NHS: variants seen among roughly 807,000 people sequenced by gnomAD.
The protein encoded by NHS is NHS actin remodeling regulator.
A neutral mutation model predicts 72.5 loss-of-function variants in NHS; 5 were observed. The observed-to-expected ratio is 0.07, with a 90% confidence interval of 0.04 to 0.14. The LOEUF (loss-of-function observed/expected upper bound fraction) is 0.14, where lower values mean the gene tolerates loss of function less well. Among genes scored for constraint, NHS ranks in the 10% least tolerant of loss-of-function variants. The probability of loss-of-function intolerance (pLI) is 1.00; values close to 1 mark genes in which losing one functional copy is unlikely to be tolerated. For synonymous variants in NHS, 464 were observed against 547.7 expected, an observed-to-expected ratio of 0.85 and a Z score of 2.13; for missense variants, 1,072 against 1,355.7, an observed-to-expected ratio of 0.79 and a Z score of 3.29.
Position 17,732,687 on chromosome X carries a change from CT to C in NHS, c.*226del. The C allele has an allele frequency of 2.2e-6, 1 of 456,583 alleles. No individual in the cohort carries two copies. Among genetic ancestry groups the C allele is most frequent in the Non-Finnish European group, 3.7e-6 (1 of 272,041 alleles). 37.6% of individuals were successfully genotyped at this position (456,583 alleles called of 1,213,427 possible). Reference sequence around the variant, plus strand: ...AGTAGCTGCAGTCTTTCATGTTTTTCTTTAGCATAGTTTGATTTACGCAATC... The same window carrying C: ...AGTAGCTGCAGTCTTTCATGTTTTTCTTAGCATAGTTTGATTTACGCAATC... On this transcript the variant is annotated 3_prime_UTR_variant, in exon 9 of 9. Transcript: ENST00000676302.
intron 1 of NHS, among the ~76,000 whole-genome samples, chrX:17,384,296 T>G (rs187192457): frequency 9.8e-5 from 11 of 112,468 alleles, no homozygotes; most frequent in Admixed American, 8.5e-4. Context: ...TCAGTGAGCT[T>G]CTGTGAGGCA....
chrX:17,546,606 G>A (rs1420758086), intron 1 of NHS, among the ~76,000 whole-genome samples: 1 of 111,811 alleles, frequency 8.9e-6, no homozygotes, highest in Non-Finnish European at 1.9e-5. Flanking sequence ...TGGAGATAGA[G>A]CTATAAATAA....
At chrX:17,449,068 G>A (rs1159270499) in intron 1 of NHS, among the ~76,000 whole-genome samples, 1 of 112,849 alleles carries the variant, frequency 8.9e-6, no homozygotes, top group Non-Finnish European at 1.9e-5. Context: ...AGGTCACACA[G>A]CTAGAAAATG....
intron 5 of NHS, 83 bp from the exon 6 acceptor site, chrX:17,724,216 C>T (rs745621320): frequency 5.4e-5 from 62 of 1,148,748 alleles, no homozygotes; most frequent in Admixed American, 2.6e-4. Context: ...CCTTACTTCC[C>T]GTCAAAAATA....
At chrX:17,586,094 G>T (rs927986542) in intron 1 of NHS, 2 of 110,944 alleles carry the variant, frequency 1.8e-5, no homozygotes, top group Non-Finnish European at 3.8e-5. Context: ...CCTTGTCTTG[G>T]TTCTGCCACC....
At chrX:17,529,834 G>A (rs1217467011) in intron 1 of NHS, among the ~76,000 whole-genome samples, 3 of 111,507 alleles carry the variant, frequency 2.7e-5, no homozygotes, top group Non-Finnish European at 3.8e-5. Context: ...AGGAGATTTC[G>A]TGTTTAGGGT....
At chrX:17,669,408 T>C (rs962642767) in intron 1 of NHS, among the ~76,000 whole-genome samples, 1 of 112,085 alleles carries the variant, frequency 8.9e-6, no homozygotes, top group African/African-American at 3.3e-5. Context: ...ATGAGGGCCA[T>C]AGTAGGGTCT....
intron 1 of NHS, among the ~76,000 whole-genome samples, chrX:17,685,199 G>A (rs776918514): frequency 3.8e-4 from 43 of 112,028 alleles, no homozygotes; most frequent in African/African-American, 1.4e-3. Context: ...TTAATGCTCT[G>A]TGACCAAATG....
rs2064850954 is a variant in NHS, at chrX:17,462,252, A to G, written c.565+85930A>G. Among the ~76,000 whole-genome samples, 5 of 111,611 alleles carry G rather than the reference A, an allele frequency of 4.5e-5. No homozygotes were observed. The South Asian group carries it at 1.9e-3, about 42-fold the overall frequency. ...TATATATATTCATTTAAGCCATACAACAGCTCTGAGAGCTAGGTGTTATTT... is the reference window on the plus strand; with the variant it reads ...TATATATATTCATTTAAGCCATACAGCAGCTCTGAGAGCTAGGTGTTATTT... On this transcript the variant is annotated intron_variant, in intron 1 of 8. Coordinates refer to ENST00000676302, the MANE Select transcript of NHS (RefSeq NM_001291867.2).
At chrX:17,464,364 T>C (rs1432952807) in intron 1 of NHS, among the ~76,000 whole-genome samples, 1 of 111,844 alleles carries the variant, frequency 8.9e-6, no homozygotes, top group East Asian at 2.8e-4. Context: ...TGAAAGAGCA[T>C]GACTCAAGCA....
At chrX:17,718,349 G>T (rs1269661012) in intron 3 of NHS, among the ~76,000 whole-genome samples, 1 of 58,508 alleles carries the variant, frequency 1.7e-5, no homozygotes, top group Non-Finnish European at 3.0e-5. Flanking sequence ...GGGAGGGAGG[G>T]TGGTGGGAGG....
chrX:17,671,789 G>A (rs1333349676), intron 1 of NHS, among the ~76,000 whole-genome samples: 1 of 112,070 alleles, frequency 8.9e-6, no homozygotes, highest in African/African-American at 3.2e-5. Context: ...TAGAAATCAT[G>A]TCTTCTCAGC....
intron 1 of NHS, among the ~76,000 whole-genome samples, chrX:17,646,085 G>T (rs968029703): frequency 6.3e-5 from 7 of 111,582 alleles, no homozygotes; most frequent in Admixed American, 1.9e-4. Context: ...CCAAGTAGCT[G>T]GGATTAGCCA....
chrX:17,726,133 A>G lies in NHS; in HGVS notation c.2027A>G (p.Asn676Ser), dbSNP rs1248458662. ...TCACTAAACACAGCCCCTCATGCCA[A>G]TGAGGATGCCAGTGTTTTCGTGACA... is the stretch of plus-strand genomic sequence containing the variant. ...ELSLNTAPHA[N>S]EDASVFVTEQ... The change falls in exon 7 of 9, where the codon AAT (asparagine) becomes AGT (serine). Residue 676 changes from asparagine to serine, a missense_variant. By Grantham distance (46) the Asn-to-Ser change is conservative (BLOSUM62 1). Transcript: ENST00000676302. The G allele has an allele frequency of 8.3e-7, 1 of 1,210,274 alleles. No individual in the cohort carries two copies. The highest frequency in any genetic ancestry group is 1.7e-5 in the African/African-American group (1 of 57,212).
chrX:17,570,628 G>A (rs764165807), intron 1 of NHS, among the ~76,000 whole-genome samples: 12 of 111,840 alleles, frequency 1.1e-4, no homozygotes, highest in Non-Finnish European at 2.3e-4. Flanking sequence ...GAGACAATCT[G>A]ACTTCCTCTC....
rs752756130 is a variant in NHS, at chrX:17,527,434, T to C, written c.565+151112T>C. Among the ~76,000 whole-genome samples, 3 of 113,202 alleles carry C rather than the reference T, an allele frequency of 2.7e-5. No homozygotes were observed. The East Asian group carries it at 8.4e-4, about 32-fold the overall frequency. On this transcript the variant is annotated intron_variant, in intron 1 of 8. Transcript: ENST00000676302. ...ACTGACGCCAAATGCCCTTGAGCAC[T>C]GTGCCAGCCCTCTTGACTGGAAGCT...
intron 1 of NHS, among the ~76,000 whole-genome samples, chrX:17,470,855 G>C (rs2064889501): frequency 8.9e-6 from 1 of 111,815 alleles, no homozygotes; most frequent in Admixed American, 9.5e-5. Flanking sequence ...TTCAAGGCAA[G>C]TCTGCTTCCT....
intron 1 of NHS, among the ~76,000 whole-genome samples, chrX:17,427,672 A>T (rs1429857908): frequency 8.9e-6 from 1 of 112,542 alleles, no homozygotes; most frequent in Non-Finnish European, 1.9e-5. Context: ...GCAGAAGTAC[A>T]GTTCTGTCTT....
intron 3 of NHS, among the ~76,000 whole-genome samples, chrX:17,709,112 G>A (rs901842418): frequency 2.7e-5 from 3 of 111,244 alleles, no homozygotes; most frequent in African/African-American, 9.8e-5. Context: ...TAACTCACCT[G>A]TTTGGTCTTT....
Sources: gnomAD v4.1 joint callset for allele counts (sites outside exome capture counted in the v4.1 genomes callset) on GRCh38, gnomAD v4.1.1 for gene constraint, MANE v1.5 for transcripts, NCBI Gene and HGNC (gene_info 2026-07-23, HGNC 2026-07-21) for gene names.